The following MRAS variants were observed in gnomAD, a reference collection of about 807,000 sequenced individuals.
MRAS encodes the protein muscle RAS oncogene homolog, also known as ras-related protein M-Ras.
In MRAS, 4 loss-of-function variants were observed where a neutral mutation model predicts 20.9. That is an observed-to-expected ratio of 0.19 (90% CI 0.09 to 0.44). The LOEUF (loss-of-function observed/expected upper bound fraction) is 0.44. Ranked by LOEUF, MRAS falls within the 20% of genes least tolerant of loss-of-function variation. The probability of loss-of-function intolerance (pLI) is 0.99; values close to 1 mark genes in which losing one functional copy is unlikely to be tolerated. For missense variants in MRAS, 154 were observed against 277.5 expected, an observed-to-expected ratio of 0.56 and a Z score of 3.16; for synonymous variants, 98 against 102.9, an observed-to-expected ratio of 0.95 and a Z score of 0.29.
At chr3:138,398,809 G>A (rs1221020246) in intron 4 of MRAS, among the ~76,000 whole-genome samples, 1 of 152,194 alleles carries the variant, frequency 6.6e-6, no homozygotes, top group Non-Finnish European at 1.5e-5. Flanking sequence ...GGACCTGGGG[G>A]GATCATACAA....
upstream of MRAS, chr3:138,348,133 T>G (rs1328504623): frequency 1.3e-5 from 2 of 152,122 alleles, no homozygotes; most frequent in African/African-American, 4.8e-5. Flanking sequence ...CGTCTCAGGA[T>G]TCGAAGGGAA....
intron 2 of MRAS, among the ~76,000 whole-genome samples, chr3:138,386,848 A>G (rs2055026830): frequency 1.3e-5 from 2 of 152,182 alleles, no homozygotes; most frequent in Admixed American, 6.5e-5. Context: ...ACTTTTGGCC[A>G]TTGTGAGTAA....
intron 2 of MRAS, among the ~76,000 whole-genome samples, chr3:138,385,919 G>A (rs2055002811): frequency 6.6e-6 from 1 of 152,182 alleles, no homozygotes; most frequent in African/African-American, 2.4e-5. Flanking sequence ...TTTTAGCAGT[G>A]TCCTCGAACA....
At chr3:138,353,836 C>T (rs191647659) in intron 1 of MRAS, among the ~76,000 whole-genome samples, 1 of 152,328 alleles carries the variant, frequency 6.6e-6, no homozygotes, top group Admixed American at 6.5e-5. Flanking sequence ...GAAACCGAGG[C>T]TCAAGGAAGT....
chr3:138,358,334 C>CA (rs34228309), intron 1 of MRAS, among the ~76,000 whole-genome samples: 93 of 137,180 alleles, frequency 6.8e-4, no homozygotes, highest in African/African-American at 1.8e-3. Flanking sequence ...AAGACTCTCT[C>CA]AAAAAAAAAA....
At chr3:138,364,637 C>T (rs1038948112) in intron 1 of MRAS, among the ~76,000 whole-genome samples, 1 of 152,144 alleles carries the variant, frequency 6.6e-6, no homozygotes, top group African/African-American at 2.4e-5. Context: ...GGATAGGGTC[C>T]CAAACAGAGG....
intron 3 of MRAS, among the ~76,000 whole-genome samples, chr3:138,398,244 T>C (rs1314198599): frequency 6.6e-6 from 1 of 152,172 alleles, no homozygotes; most frequent in Non-Finnish European, 1.5e-5. Flanking sequence ...CCACTGGCCT[T>C]GCAATGGACC....
At chr3:138,391,267 C>T (rs746737795) in intron 2 of MRAS, among the ~76,000 whole-genome samples, 35 of 152,028 alleles carry the variant, frequency 2.3e-4, no homozygotes, top group Non-Finnish European at 1.6e-4. Flanking sequence ...CTGTAAGTAC[C>T]ACTTTGGCCT....
At chr3:138,401,142 C>T (rs1373458953) in intron 5 of MRAS, among the ~76,000 whole-genome samples, 1 of 152,204 alleles carries the variant, frequency 6.6e-6, no homozygotes, top group Admixed American at 6.5e-5. Flanking sequence ...CTTGTATATT[C>T]CTTTGCATGG....
chr3:138,377,151 C>G (rs941463921), intron 2 of MRAS, among the ~76,000 whole-genome samples: 1 of 152,218 alleles, frequency 6.6e-6, no homozygotes, highest in Non-Finnish European at 1.5e-5. Context: ...AATGCCTGGG[C>G]TCTCCATGGC....
intron 2 of MRAS, among the ~76,000 whole-genome samples, chr3:138,377,185 T>G (rs1051348869): frequency 1.3e-5 from 2 of 152,258 alleles, no homozygotes; most frequent in Non-Finnish European, 2.9e-5. Flanking sequence ...AATGAGTTTG[T>G]TAAGCTTCTA....
intron 1 of MRAS, among the ~76,000 whole-genome samples, chr3:138,358,508 C>T (rs1374731653): frequency 6.6e-6 from 1 of 152,176 alleles, no homozygotes; most frequent in African/African-American, 2.4e-5. Flanking sequence ...CAGGGCAAAG[C>T]CAGGTGTTAT....
chr3:138,369,854 G>A (rs1391872567), intron 1 of MRAS, among the ~76,000 whole-genome samples: 1 of 152,214 alleles, frequency 6.6e-6, no homozygotes, highest in East Asian at 1.9e-4. Context: ...GGTGGTCTGA[G>A]TGCCGACTCA....
intron 1 of MRAS, among the ~76,000 whole-genome samples, chr3:138,368,463 A>G (rs993794473): frequency 2.0e-5 from 3 of 152,230 alleles, no homozygotes; most frequent in African/African-American, 4.8e-5. Context: ...CCACTTTACT[A>G]ATAAGATACT....
At chr3:138,397,294 C>T (rs2055257615) in intron 2 of MRAS, 30 bp from the exon 3 acceptor site, 2 of 1,610,726 alleles carry the variant, frequency 1.2e-6, no homozygotes, top group Non-Finnish European at 1.7e-6. Context: ...TAGGTGAGGA[C>T]AGCCCCTGAG....
chr3:138,349,313 G>A (rs2054179908), intron 1 of MRAS: 1 of 152,376 alleles, frequency 6.6e-6, no homozygotes, highest in African/African-American at 2.4e-5. Context: ...ATCTGGCTGA[G>A]GCATCAGACA....
intron 2 of MRAS, among the ~76,000 whole-genome samples, chr3:138,391,514 C>T (rs550160808): frequency 2.6e-5 from 4 of 152,244 alleles, no homozygotes; most frequent in East Asian, 1.9e-4. Context: ...GCTTATGTGA[C>T]GCCACAGTGA....
chr3:138,388,255 G>A (rs6789235), intron 2 of MRAS, among the ~76,000 whole-genome samples: 90,065 of 152,048 alleles, frequency 0.59, 27,707 homozygotes, highest in East Asian at 0.74. Context: ...AATTAAAATA[G>A]TAAACACCCC....
At chr3:138,398,430 G>A in intron 3 of MRAS, 39 bp from the exon 4 acceptor site, 5 of 1,563,932 alleles carry the variant, frequency 3.2e-6, no homozygotes, top group Non-Finnish European at 4.4e-6. Context: ...GTGAGGGGTG[G>A]TGGAAACCTC....
Sources: allele counts gnomAD v4.1 joint callset (sites outside exome capture counted in the v4.1 genomes callset), GRCh38; gene constraint gnomAD v4.1.1; transcripts MANE v1.5; gene names NCBI Gene and HGNC (gene_info 2026-07-23, HGNC 2026-07-21).